The following TRPC7 variants were observed in gnomAD, a reference collection of about 807,000 sequenced individuals.
TRPC7 encodes the protein transient receptor potential cation channel subfamily C member 7, also known as short transient receptor potential channel 7.
In TRPC7, 42 loss-of-function variants were observed where a neutral mutation model predicts 90.1. The ratio of observed to expected loss-of-function variants is 0.47; its 90% CI spans 0.36 to 0.60. The LOEUF (loss-of-function observed/expected upper bound fraction) is 0.60, where lower values mean the gene tolerates loss of function less well. Among genes scored for constraint, TRPC7 ranks in the 20% least tolerant of loss-of-function variants. TRPC7 has a pLI of 0.00. For synonymous variants in TRPC7, 451 were observed against 436.3 expected, an observed-to-expected ratio of 1.03 and a Z score of -0.42; for missense variants, 955 against 1,112.3, an observed-to-expected ratio of 0.86 and a Z score of 2.01.
rs1190602807 is a variant in TRPC7, at chr5:136,312,464, A to G, written c.963+3133T>C. 2.0e-5 allele frequency among the ~76,000 whole-genome samples: 3 copies of G among 152,102 alleles called. No homozygotes were observed. The East Asian group carries it at 5.8e-4, about 29-fold the overall frequency. On this transcript the variant is annotated intron_variant, in intron 3 of 11. Coordinates refer to ENST00000513104, the MANE Select transcript of TRPC7 (RefSeq NM_020389.3). ...TAGTTTCTAGAGCATTTCCTCTCAT[A>G]TCAGTTCATTTGGAAGTTCACACAC...
At chr5:136,310,170 G>A (rs946289674) in intron 3 of TRPC7, among the ~76,000 whole-genome samples, 3 of 151,946 alleles carry the variant, frequency 2.0e-5, no homozygotes, top group African/African-American at 4.8e-5. Flanking sequence ...CTCACCACAG[G>A]GCTTTCAAAC....
chr5:136,285,891 C>G (rs1757696932), intron 3 of TRPC7, among the ~76,000 whole-genome samples: 1 of 152,192 alleles, frequency 6.6e-6, no homozygotes, highest in South Asian at 2.1e-4. Context: ...CAACCCTGCC[C>G]AAAGTAGAAA....
intron 3 of TRPC7, 88 bp from the exon 4 acceptor site, chr5:136,274,925 TG>T (rs1561697168): frequency 7.0e-7 from 1 of 1,419,414 alleles, no homozygotes; most frequent in Non-Finnish European, 9.4e-7. Context: ...TAGGAGTAGC[TG>T]GGGGCTGAAA....
chr5:136,260,930 TA>T (rs1756835728), intron 5 of TRPC7, among the ~76,000 whole-genome samples: 1 of 152,250 alleles, frequency 6.6e-6, no homozygotes, highest in Non-Finnish European at 1.5e-5. Context: ...GGTGTCTTTA[TA>T]ATCAGTCTGT....
In TRPC7 at chr5:136,247,829, A is replaced by G; in HGVS notation, c.1580-94T>C. On this transcript the variant is annotated intron_variant, in intron 6 of 11. Coordinates refer to ENST00000513104, the MANE Select transcript of TRPC7 (RefSeq NM_020389.3). This position sits in a 1 kb window ranked among gnomAD's most constrained non-coding sequence, Gnocchi z 4.2. ...ATCTTTAGAGGTCTCCAACTGCATC[A>G]TTTGCCATTCTTGTCCTTGTCCTTA... 1 of 1,445,634 alleles carries G rather than the reference A, an allele frequency of 6.9e-7. No individual in the cohort carries two copies. Among genetic ancestry groups the G allele is most frequent in the Non-Finnish European group, 9.3e-7 (1 of 1,072,798 alleles). The allele number at this position is 1,445,634 out of a possible 1,614,324, so 89.6% of individuals were successfully genotyped here. A position where few individuals can be genotyped will look rare whatever the true frequency, so the allele number is the denominator to read the frequency against.
chr5:136,312,385 G>A (rs1758860729), intron 3 of TRPC7, among the ~76,000 whole-genome samples: 1 of 152,196 alleles, frequency 6.6e-6, no homozygotes, highest in African/African-American at 2.4e-5. Context: ...AAGAAAGGGA[G>A]TCATCACTGA....
intron 3 of TRPC7, among the ~76,000 whole-genome samples, chr5:136,314,826 A>G (rs559778979): frequency 4.6e-5 from 7 of 152,350 alleles, no homozygotes; most frequent in Admixed American, 2.0e-4. Flanking sequence ...AAGCACATTG[A>G]TATTTAAACA....
intron 2 of TRPC7, among the ~76,000 whole-genome samples, chr5:136,340,533 T>A (rs1235017554): frequency 6.6e-6 from 1 of 152,154 alleles, no homozygotes; most frequent in Non-Finnish European, 1.5e-5. Context: ...TATACACATA[T>A]GAAAACATCA....
intron 2 of TRPC7, among the ~76,000 whole-genome samples, chr5:136,345,500 G>T (rs536707104): frequency 6.6e-6 from 1 of 152,244 alleles, no homozygotes; most frequent in Non-Finnish European, 1.5e-5. Flanking sequence ...GGTGGTGGTT[G>T]CAGTGAGCCG....
At chr5:136,257,267 CCA>C (rs1298444294) in intron 5 of TRPC7, among the ~76,000 whole-genome samples, 1 of 151,924 alleles carries the variant, frequency 6.6e-6, no homozygotes, top group Non-Finnish European at 1.5e-5. Context: ...ACTGCAACCC[CCA>C]CCTCCTGGGT....
chr5:136,298,690 T>G (rs1758267627), intron 3 of TRPC7, among the ~76,000 whole-genome samples: 1 of 152,138 alleles, frequency 6.6e-6, no homozygotes, highest in African/African-American at 2.4e-5. Flanking sequence ...GACAACTCTG[T>G]GGTGCTACTC....
intron 2 of TRPC7, among the ~76,000 whole-genome samples, chr5:136,335,015 AAATAT>A (rs1395822632): frequency 1.3e-5 from 2 of 152,234 alleles, no homozygotes; most frequent in African/African-American, 4.8e-5. Context: ...AAATAAGTTT[AAATAT>A]AATCAGGAAA....
rs1272477212 is a variant in TRPC7, at chr5:136,274,710, A to C, written c.1091T>G (p.Phe364Cys). ...AGCAATCCAATAGGCTATGGCGAGA[A>C]AAGGGAGGCCTATGGAGACTCCAAA... ...AVFGVSIGLP[F>C]LAIAYWIAPC... Residue 364 changes from phenylalanine to cysteine, a missense_variant, in exon 4 of 12, where the codon TTT becomes TGT. Coordinates refer to ENST00000513104, the MANE Select transcript of TRPC7 (RefSeq NM_020389.3). 1 of 1,613,532 alleles carries C rather than the reference A, an allele frequency of 6.2e-7. No homozygotes were observed. Among genetic ancestry groups the C allele is most frequent in the African/African-American group, 1.3e-5 (1 of 74,920 alleles).
intron 11 of TRPC7, 140 bp downstream of exon 11, chr5:136,216,060 A>T: frequency 1.5e-6 from 1 of 689,374 alleles, no homozygotes; most frequent in Non-Finnish European, 2.5e-6. Context: ...CCGACAACTG[A>T]ATGAGCAAGG....
chr5:136,301,881 T>C (rs1758405750), intron 3 of TRPC7, among the ~76,000 whole-genome samples: 1 of 152,156 alleles, frequency 6.6e-6, no homozygotes. Flanking sequence ...GGGAGATCAA[T>C]CCCCCGTCTT....
At chr5:136,304,918 T>G (rs1441212334) in intron 3 of TRPC7, among the ~76,000 whole-genome samples, 1 of 152,242 alleles carries the variant, frequency 6.6e-6, no homozygotes, top group Non-Finnish European at 1.5e-5. Flanking sequence ...TCCAAACAAC[T>G]TGACCTTACT....
intron 2 of TRPC7, among the ~76,000 whole-genome samples, chr5:136,336,321 T>A (rs186108288): frequency 6.6e-6 from 1 of 152,234 alleles, no homozygotes; most frequent in East Asian, 1.9e-4. Context: ...GCAGCCCTAA[T>A]ACCTGGTACA....
chr5:136,297,840 C>T (rs530003026), intron 3 of TRPC7, among the ~76,000 whole-genome samples: 44 of 152,294 alleles, frequency 2.9e-4, no homozygotes, highest in African/African-American at 1.0e-3. Context: ...CTATTCATCT[C>T]ATTTTGATCC....
chr5:136,306,646 A>T (rs1351748915), intron 3 of TRPC7, among the ~76,000 whole-genome samples: 1 of 152,192 alleles, frequency 6.6e-6, no homozygotes, highest in Non-Finnish European at 1.5e-5. Context: ...GTAACTGAAG[A>T]TCCACAAAAG....
Sources: gnomAD v4.1 joint callset for allele counts (sites outside exome capture counted in the v4.1 genomes callset) on GRCh38, gnomAD v4.1.1 for gene constraint, Gnocchi (gnomAD v3.1) non-coding constraint, MANE v1.5 for transcripts, NCBI Gene and HGNC (gene_info 2026-07-23, HGNC 2026-07-21) for gene names.